Variants in DIAPH2 observed in about 807,000 individuals in gnomAD.
DIAPH2 encodes diaphanous related formin 2, also known as protein diaphanous homolog 2.
DIAPH2 carries 35 observed loss-of-function variants against 92.7 expected under a neutral mutation model. The observed-to-expected ratio is 0.38, with a 90% CI of 0.29 to 0.50. DIAPH2 has a LOEUF of 0.50. DIAPH2 is among the 20% of genes least tolerant of loss of function. The pLI is 0.94. For missense variants in DIAPH2, 701 were observed against 819.5 expected (o/e 0.86, Z 1.77); for synonymous variants, 301 against 280.4 (o/e 1.07, Z -0.73).
At chrX:96,787,794 G>A (rs1463824860) in intron 4 of DIAPH2, among the ~76,000 whole-genome samples, 1 of 100,611 alleles carries the variant, frequency 9.9e-6, no homozygotes, top group African/African-American at 3.6e-5. Flanking sequence ...GGGTTCAAAC[G>A]ATTCTCATGC....
At chrX:97,284,658 G>C (rs1279831858) in intron 23 of DIAPH2, among the ~76,000 whole-genome samples, 1 of 109,076 alleles carries the variant, frequency 9.2e-6, no homozygotes. Flanking sequence ...ATAAGTGAAT[G>C]AACATGTTAT....
At chrX:96,905,428 G>C (rs2147774537) in intron 5 of DIAPH2, among the ~76,000 whole-genome samples, 1 of 111,172 alleles carries the variant, frequency 9.0e-6, no homozygotes, top group Non-Finnish European at 1.9e-5. Flanking sequence ...ATCTATGAGG[G>C]AGCACAGTCT....
At chrX:97,455,207 T>G (rs2070393753) in intron 26 of DIAPH2, among the ~76,000 whole-genome samples, 1 of 112,216 alleles carries the variant, frequency 8.9e-6, no homozygotes, top group African/African-American at 3.2e-5. Context: ...CTATTTTAGC[T>G]TTTCTATTTT....
chrX:97,444,224 G>C (rs1006651715), intron 26 of DIAPH2, among the ~76,000 whole-genome samples: 3 of 110,457 alleles, frequency 2.7e-5, no homozygotes, highest in Non-Finnish European at 5.7e-5. Flanking sequence ...TTACTGGTCT[G>C]TTCTATTGTT....
intron 24 of DIAPH2, among the ~76,000 whole-genome samples, chrX:97,368,899 C>CT (rs386417287): frequency 0.03 from 1,549 of 51,913 alleles, 103 homozygotes; most frequent in African/African-American, 0.034. Context: ...TCTACCCTTT[C>CT]TTTTTTTTTT....
chrX:97,210,169 A>T (rs1043978620), intron 22 of DIAPH2, among the ~76,000 whole-genome samples: 15 of 111,978 alleles, frequency 1.3e-4, no homozygotes, highest in African/African-American at 4.8e-4. Context: ...TAAAGTGTGC[A>T]AAAGAAAAAC....
At chrX:97,384,082 A>G (rs770843101) in intron 25 of DIAPH2, 38 bp downstream of exon 25, 2 of 1,057,555 alleles carry the variant, frequency 1.9e-6, no homozygotes, top group Admixed American at 5.6e-5. Flanking sequence ...AAATGCAAGA[A>G]GTACAAAATA....
At chrX:97,082,457 TAA>T (rs781034055) in intron 19 of DIAPH2, among the ~76,000 whole-genome samples, 11 of 85,729 alleles carry the variant, frequency 1.3e-4, no homozygotes, top group Admixed American at 3.9e-4. Context: ...CCGACTCTAC[TAA>T]AAAAAAAAAA....
chrX:97,272,679 C>T (rs1467034003), intron 23 of DIAPH2, among the ~76,000 whole-genome samples: 1 of 111,243 alleles, frequency 9.0e-6, no homozygotes, highest in Non-Finnish European at 1.9e-5. Flanking sequence ...ATGGGTAATA[C>T]ATTAATAGGT....
intron 26 of DIAPH2, among the ~76,000 whole-genome samples, chrX:97,508,466 G>T (rs1195704504): frequency 8.9e-6 from 1 of 112,394 alleles, no homozygotes; most frequent in African/African-American, 3.2e-5. Context: ...AGACTAATGA[G>T]ATTACACATC....
chrX:96,899,164 G>A (rs1488050599), intron 5 of DIAPH2, among the ~76,000 whole-genome samples: 2 of 109,270 alleles, frequency 1.8e-5, no homozygotes, highest in Admixed American at 2.0e-4. Flanking sequence ...GTAGCGTGAT[G>A]CCTCCAGCTT....
intron 26 of DIAPH2, among the ~76,000 whole-genome samples, chrX:97,569,250 AATGTGGACCATG>A (rs779882014): frequency 1.8e-5 from 2 of 112,018 alleles, no homozygotes; most frequent in Non-Finnish European, 3.8e-5. Flanking sequence ...TTCTATCAAC[AATGTGGACCATG>A]ATGAAGTTAC....
chrX:97,357,477 TCCAGTTGCCTA>T (rs1469865351), intron 24 of DIAPH2, among the ~76,000 whole-genome samples: 1 of 102,070 alleles, frequency 9.8e-6, no homozygotes, highest in Non-Finnish European at 2.0e-5. Flanking sequence ...CCCCCCTCCT[TCCAGTTGCCTA>T]CCAACTTGTT....
At chrX:97,461,869 A>G (rs2070461844) in intron 26 of DIAPH2, among the ~76,000 whole-genome samples, 1 of 111,602 alleles carries the variant, frequency 9.0e-6, no homozygotes, top group South Asian at 3.7e-4. Context: ...CATAAAAGAG[A>G]GTATATAAGT....
At chrX:97,453,987 G>GCA (rs1171165231) in intron 26 of DIAPH2, 1 of 111,735 alleles carries the variant, frequency 8.9e-6, no homozygotes, top group African/African-American at 3.3e-5. Flanking sequence ...ACCTGGAAAT[G>GCA]CTATCTATCT....
At chrX:97,591,582 A>G (rs2071517465) in intron 26 of DIAPH2, among the ~76,000 whole-genome samples, 1 of 112,337 alleles carries the variant, frequency 8.9e-6, no homozygotes, top group Non-Finnish European at 1.9e-5. Flanking sequence ...ACAAGTTTCT[A>G]GAAACTACTA....
intron 3 of DIAPH2, among the ~76,000 whole-genome samples, chrX:96,757,761 A>G (rs2064241093): frequency 8.9e-6 from 1 of 112,174 alleles, no homozygotes. Context: ...TTTCCCAGGT[A>G]ATAATGATCC....
chrX:97,182,780 T>A (rs1463827920), intron 22 of DIAPH2, among the ~76,000 whole-genome samples: 1 of 111,415 alleles, frequency 9.0e-6, no homozygotes, highest in Non-Finnish European at 1.9e-5. Context: ...GAGAAATTAT[T>A]TTTGAACTTC....
At chrX:97,058,115 G>A (rs996140581) in intron 17 of DIAPH2, among the ~76,000 whole-genome samples, 8 of 111,548 alleles carry the variant, frequency 7.2e-5, no homozygotes, top group Admixed American at 6.7e-4. Context: ...GATGCAACAT[G>A]GATCGTTGAA....
Sources: gnomAD v4.1 joint callset for allele counts (sites outside exome capture counted in the v4.1 genomes callset) on GRCh38, gnomAD v4.1.1 for gene constraint, MANE v1.5 for transcripts, NCBI Gene and HGNC (gene_info 2026-07-23, HGNC 2026-07-21) for gene names.